SPAG16: variants seen among roughly 807,000 people sequenced by gnomAD.
The protein encoded by SPAG16 is sperm-associated antigen 16 protein.
A neutral mutation model predicts 80.4 loss-of-function variants in SPAG16; 86 were observed. The observed-to-expected ratio is 1.07, with a 90% CI of 0.90 to 1.28. The LOEUF is 1.28. Among genes scored for constraint, SPAG16 ranks in the 50% most tolerant of loss-of-function variants. SPAG16 has a pLI of 0.00. For missense variants in SPAG16, 870 were observed against 765.3 expected, an observed-to-expected ratio of 1.14 and a Z score of -1.61; for synonymous variants, 294 against 265.9, an observed-to-expected ratio of 1.11 and a Z score of -1.03.
At chr2:214,115,325 C>T (rs991455555) in intron 14 of SPAG16, among the ~76,000 whole-genome samples, 3 of 152,128 alleles carry the variant, frequency 2.0e-5, no homozygotes, top group African/African-American at 4.8e-5. Context: ...TTAAAAAATC[C>T]ATATGTGGTA....
chr2:213,890,743 G>C (rs13432923), intron 11 of SPAG16, among the ~76,000 whole-genome samples: 90,267 of 151,754 alleles, frequency 0.59, 28,721 homozygotes, highest in South Asian at 0.85. Flanking sequence ...TATTCAGTTT[G>C]TATGAACTAG....
At chr2:214,384,904 G>A (rs946388009) in intron 15 of SPAG16, among the ~76,000 whole-genome samples, 17 of 152,304 alleles carry the variant, frequency 1.1e-4, no homozygotes, top group African/African-American at 4.1e-4. Flanking sequence ...AATTCCTAAA[G>A]TCCTCATACT....
At chr2:214,338,319 G>A (rs1197703031) in intron 15 of SPAG16, among the ~76,000 whole-genome samples, 1 of 152,026 alleles carries the variant, frequency 6.6e-6, no homozygotes, top group East Asian at 1.9e-4. Context: ...TTCAAGACCA[G>A]CCTGGCCAAT....
At chr2:213,342,674 T>A (rs1049881674) in intron 6 of SPAG16, among the ~76,000 whole-genome samples, 1 of 152,016 alleles carries the variant, frequency 6.6e-6, no homozygotes, top group East Asian at 1.9e-4. Flanking sequence ...TTGGGGAATT[T>A]CTGCTTTGGG....
At chr2:214,406,733 C>A (rs1235882021) in intron 15 of SPAG16, among the ~76,000 whole-genome samples, 3 of 152,020 alleles carry the variant, frequency 2.0e-5, no homozygotes, top group Non-Finnish European at 4.4e-5. Flanking sequence ...AAATTTAATT[C>A]TTGTCTTCAA....
chr2:213,571,399 C>T (rs1365892557), intron 10 of SPAG16, among the ~76,000 whole-genome samples: 1 of 12,798 alleles, frequency 7.8e-5, no homozygotes, highest in Non-Finnish European at 1.2e-4. Flanking sequence ...CCATGTTTAG[C>T]GCTTCCTTCA....
chr2:213,844,713 T>C (rs933992460), intron 10 of SPAG16, among the ~76,000 whole-genome samples: 1 of 152,238 alleles, frequency 6.6e-6, no homozygotes, highest in Non-Finnish European at 1.5e-5. Context: ...AAATTAGTTT[T>C]AAATATTCAT....
At chr2:213,977,111 G>A (rs2045451473) in intron 12 of SPAG16, among the ~76,000 whole-genome samples, 1 of 152,048 alleles carries the variant, frequency 6.6e-6, no homozygotes, top group Non-Finnish European at 1.5e-5. Flanking sequence ...AGACCAAGCA[G>A]GGGGATATGG....
intron 12 of SPAG16, among the ~76,000 whole-genome samples, chr2:213,955,643 T>A (rs1173277357): frequency 6.6e-6 from 1 of 152,200 alleles, no homozygotes; most frequent in Non-Finnish European, 1.5e-5. Context: ...TTAAGATCAC[T>A]TTAATCTGGA....
intron 15 of SPAG16, among the ~76,000 whole-genome samples, chr2:214,235,522 A>G (rs1343230656): frequency 6.6e-6 from 1 of 152,114 alleles, no homozygotes; most frequent in African/African-American, 2.4e-5. Flanking sequence ...CTAAACACCT[A>G]CAGCTTTAAA....
chr2:214,366,405 C>T (rs1476882403), intron 15 of SPAG16, among the ~76,000 whole-genome samples: 1 of 152,116 alleles, frequency 6.6e-6, no homozygotes. Flanking sequence ...TTTGGTACGA[C>T]CTACTTTTGT....
chr2:213,615,854 T>C (rs541208642), intron 10 of SPAG16, among the ~76,000 whole-genome samples: 4 of 152,170 alleles, frequency 2.6e-5, no homozygotes, highest in Non-Finnish European at 5.9e-5. Context: ...TTGTTACTTT[T>C]TGCAGTATCA....
At chr2:213,737,572 C>T (rs373189999) in intron 10 of SPAG16, among the ~76,000 whole-genome samples, 1 of 151,274 alleles carries the variant, frequency 6.6e-6, no homozygotes, top group East Asian at 1.9e-4. Flanking sequence ...ACTGCAAGCT[C>T]CGCCTCCCAG....
intron 10 of SPAG16, among the ~76,000 whole-genome samples, chr2:213,857,181 G>T (rs1326346948): frequency 6.6e-6 from 1 of 152,156 alleles, no homozygotes; most frequent in Non-Finnish European, 1.5e-5. Context: ...AGTGAGCCGA[G>T]ATCACTCCAC....
Position 213,857,529 on chromosome 2 carries a change from GC to G in SPAG16, c.1071-4953del, listed in dbSNP as rs796658306. 1.6e-4 allele frequency among the ~76,000 whole-genome samples: 24 copies of G among 151,278 alleles called. 2 individuals carry two copies. Among genetic ancestry groups the G allele is most frequent in the African/African-American group, 5.8e-4 (24 of 41,332 alleles). ...CAACATGGTTTAATGAATATTCTAAGCCCACCTTTGAGACCTACTGTTCAGA... is the reference window on the plus strand; with the variant it reads ...CAACATGGTTTAATGAATATTCTAAGCCACCTTTGAGACCTACTGTTCAGA... On this transcript the variant is annotated intron_variant, in intron 10 of 15. Transcript: ENST00000331683.
intron 7 of SPAG16, among the ~76,000 whole-genome samples, chr2:213,361,258 A>C (rs1472200000): frequency 6.6e-6 from 1 of 151,974 alleles, no homozygotes; most frequent in African/African-American, 2.4e-5. Context: ...TTAGAGCTCC[A>C]TGACCCAAGA....
At chr2:213,585,033 A>G (rs1363072988) in intron 10 of SPAG16, among the ~76,000 whole-genome samples, 3 of 151,878 alleles carry the variant, frequency 2.0e-5, no homozygotes, top group Non-Finnish European at 2.9e-5. Context: ...TACTAAAAAT[A>G]CAAAAGTTAG....
chr2:214,050,496 T>G (rs2049585412), intron 13 of SPAG16, among the ~76,000 whole-genome samples: 1 of 151,810 alleles, frequency 6.6e-6, no homozygotes, highest in South Asian at 2.1e-4. Flanking sequence ...CGCTATATTC[T>G]TGTCCAAGAA....
At chr2:213,314,820 A>G (rs978628389) in intron 4 of SPAG16, among the ~76,000 whole-genome samples, 2 of 151,932 alleles carry the variant, frequency 1.3e-5, no homozygotes, top group African/African-American at 4.8e-5. Context: ...CTCTTCTGAG[A>G]TAAGTATATC....
Sources: gnomAD v4.1 joint callset for allele counts (sites outside exome capture counted in the v4.1 genomes callset) on GRCh38, gnomAD v4.1.1 for gene constraint, MANE v1.5 for transcripts, NCBI Gene and HGNC (gene_info 2026-07-23, HGNC 2026-07-21) for gene names.